Variants in PSMA4 observed in about 807,000 individuals in gnomAD.
PSMA4 encodes proteasome 20S subunit alpha 4.
A neutral mutation model predicts 37.2 loss-of-function variants in PSMA4; 8 were observed. The ratio of observed to expected loss-of-function variants is 0.22; its 90% CI spans 0.13 to 0.39. PSMA4 has a LOEUF of 0.39. Ranked by LOEUF, PSMA4 falls within the 10% of genes least tolerant of loss-of-function variation. PSMA4 has a pLI of 1.00. For missense variants in PSMA4, 169 were observed against 305.1 expected (o/e 0.55, Z 3.32); for synonymous variants, 93 against 98.8 (o/e 0.94, Z 0.35).
chr15:78,546,819 G>T, intron 8 of PSMA4, 121 bp downstream of exon 8: 2 of 1,071,762 alleles, frequency 1.9e-6, no homozygotes, highest in Non-Finnish European at 2.6e-6. Context: ...AGGCTGGAGT[G>T]CAGTGGCGCA....
chr15:78,551,042 G>C lies in PSMA4; in HGVS notation c.*2098G>C, dbSNP rs1009208195. ...GTCTGCAGAATTTACCCATAATCCA[G>C]CCACTTTCCACTGCAGGAACGCTGG... On this transcript the variant is annotated 3_prime_UTR_variant, in exon 9 of 9. Coordinates refer to ENST00000044462, the MANE Select transcript of PSMA4 (RefSeq NM_002789.6). The C allele has an allele frequency of 3.9e-5, 6 of 152,094 alleles. No individual in the cohort carries two copies. Among genetic ancestry groups the C allele is most frequent in the Non-Finnish European group, 8.8e-5 (6 of 68,030 alleles). 9.4% of individuals were successfully genotyped at this position (152,094 alleles called of 1,614,324 possible).
chr15:78,541,537 T>TCCCCTGTTCTTTCTC (rs1211508309), intron 1 of PSMA4: 2 of 266,828 alleles, frequency 7.5e-6, no homozygotes, highest in Admixed American at 5.1e-5. Context: ...CCTTCTTTCT[T>TCCCCTGTTCTTTCTC]CCCCTGTTCT....
chr15:78,543,601 C>A (rs377684707), intron 4 of PSMA4, among the ~76,000 whole-genome samples: 1 of 123,812 alleles, frequency 8.1e-6, no homozygotes. Context: ...CAGATTCTTG[C>A]TCTGTCACCC....
chr15:78,543,994 G>GT lies in PSMA4; in HGVS notation c.210-193dup, dbSNP rs138022073. ...ATTAAATAACTTAAAGGGTGCATTT[G>GT]TTTATCTTTCATGTTGAGTGACATC... On this transcript the variant is annotated intron_variant, in intron 4 of 8. Transcript: ENST00000044462. 2,315 of 513,264 alleles carry GT rather than the reference G, an allele frequency of 4.5e-3. 42 individuals carry two copies. Among genetic ancestry groups the GT allele is most frequent in the African/African-American group, 0.038 (1,945 of 51,474 alleles). The allele number at this position is 513,264 out of a possible 1,614,324, so 31.8% of individuals were successfully genotyped here.
At position 78,544,801 on chromosome 15, in the gene PSMA4, G is replaced by A. The variant is rs532993507; in HGVS notation, c.288-68G>A. 680 of 1,118,186 alleles carry A rather than the reference G, an allele frequency of 6.1e-4. 16 individuals are homozygous for A. In the South Asian group the frequency reaches 8.5e-3, roughly 14 times the overall value. 69.3% of individuals were successfully genotyped at this position (1,118,186 alleles called of 1,614,324 possible). A position where few individuals can be genotyped will look rare whatever the true frequency, so the allele number is the denominator to read the frequency against. On this transcript the variant is annotated intron_variant, in intron 5 of 8. Transcript: ENST00000044462. Reference sequence around the variant, plus strand: ...CCCATGGCATAGATTGCTTTTCAGAGAATATTTTCCTTAGAGTCTGTCTGT... The same window carrying A: ...CCCATGGCATAGATTGCTTTTCAGAAAATATTTTCCTTAGAGTCTGTCTGT...
chr15:78,544,599 T>C, intron 5 of PSMA4: 1 of 454,070 alleles, frequency 2.2e-6, no homozygotes, highest in South Asian at 3.4e-5. Flanking sequence ...GCACCTGGCC[T>C]AGTTTTGATG....
At chr15:78,544,700 A>C (rs908749954) in intron 5 of PSMA4, 169 bp from the exon 6 acceptor site, 1 of 503,568 alleles carries the variant, frequency 2.0e-6, no homozygotes. Context: ...AACTTACAAA[A>C]TATTATTTAC....
chr15:78,545,573 G>C, intron 6 of PSMA4, 61 bp from the exon 7 acceptor site: 1 of 1,564,760 alleles, frequency 6.4e-7, no homozygotes, highest in Non-Finnish European at 8.8e-7. Context: ...CTGAGCTCAA[G>C]TAACTGTAGT....
In PSMA4 at chr15:78,551,361, C is replaced by G. The variant is rs772387545; in HGVS notation, c.*2417C>G. 4 of 152,170 alleles carry G rather than the reference C, an allele frequency of 2.6e-5. No individual in the cohort carries two copies. Among genetic ancestry groups the G allele is most frequent in the Non-Finnish European group, 5.9e-5 (4 of 68,138 alleles). 9.4% of individuals were successfully genotyped at this position (152,170 alleles called of 1,614,324 possible). ...CATCCAAATGAGCCTTCTCATCATT[C>G]CCTGAATGTGCCAAGCTCCCCTCAC... On this transcript the variant is annotated 3_prime_UTR_variant, in exon 9 of 9. Coordinates refer to ENST00000044462, the MANE Select transcript of PSMA4 (RefSeq NM_002789.6).
At chr15:78,545,861 T>A in intron 7 of PSMA4, 97 bp downstream of exon 7, 1 of 1,281,526 alleles carries the variant, frequency 7.8e-7, no homozygotes, top group Non-Finnish European at 1.1e-6. Flanking sequence ...TTAAGATAGC[T>A]GCAACAACCT....
Position 78,544,879 on chromosome 15 carries a change from C to A in PSMA4, c.298C>A (p.Gln100Lys). ...ATCTCTTTATCCTAGGTATTTATTA[C>A]AGTATCAGGAGCCAATACCTTGTGA... ...LRLIAQRYLL[Q>K]YQEPIPCEQL... The change falls in exon 6 of 9, where the codon CAG becomes AAG. Residue 100 changes from glutamine (Q) to lysine (K), a missense_variant. Gln to Lys is a moderately conservative substitution (Grantham distance 53, BLOSUM62 1). Around this residue, in one of 2 missense-constraint regions of PSMA4, gnomAD observed 79 missense variants for 212.4 expected, o/e 0.37. Coordinates refer to ENST00000044462, the MANE Select transcript of PSMA4 (RefSeq NM_002789.6). 6.2e-7 allele frequency: 1 copy of A among 1,603,752 alleles called. No individual in the cohort carries two copies. The highest frequency in any genetic ancestry group is 8.5e-7 in the Non-Finnish European group (1 of 1,171,196).
intron 6 of PSMA4, 28 bp downstream of exon 6, chr15:78,544,985 CG>C: frequency 2.6e-6 from 4 of 1,511,700 alleles, no homozygotes; most frequent in Middle Eastern, 1.8e-4. Context: ...AAATTTTATT[CG>C]AAAAAGTTAA....
chr15:78,548,190 C>T (rs145283022), intron 8 of PSMA4, among the ~76,000 whole-genome samples: 3,974 of 151,888 alleles, frequency 0.026, 164 homozygotes, highest in African/African-American at 0.091. Context: ...GAGTTTGCGC[C>T]ATTGCACTCC....
intron 2 of PSMA4, 77 bp from the exon 3 acceptor site, chr15:78,542,100 G>C (rs575219517): frequency 8.1e-5 from 123 of 1,519,292 alleles, no homozygotes; most frequent in Non-Finnish European, 1.1e-4. Context: ...GATAGGTTTT[G>C]TAAGATCATT....
intron 8 of PSMA4, among the ~76,000 whole-genome samples, chr15:78,547,103 T>C (rs1488989339): frequency 6.6e-6 from 1 of 152,230 alleles, no homozygotes; most frequent in East Asian, 1.9e-4. Flanking sequence ...TCCTAGTTCA[T>C]TGAAACAGCA....
intron 7 of PSMA4, among the ~76,000 whole-genome samples, chr15:78,546,025 A>T (rs2052545151): frequency 6.6e-6 from 1 of 152,198 alleles, no homozygotes. Context: ...TCTAGTTTAC[A>T]GACCCCCTGT....
rs1378859734 is a variant in PSMA4 at position 78,550,185 on chromosome 15, G to T, written c.*1241G>T. The T allele has an allele frequency of 6.6e-6, 1 of 152,138 alleles. No individual in the cohort carries two copies. Among genetic ancestry groups the T allele is most frequent in the Non-Finnish European group, 1.5e-5 (1 of 68,036 alleles). 9.4% of individuals were successfully genotyped at this position (152,138 alleles called of 1,614,324 possible). On this transcript the variant is annotated 3_prime_UTR_variant, in exon 9 of 9. Transcript: ENST00000044462. Reference sequence around the variant, plus strand: ...CACCTAGAGAAAGTACTGGGTTAGGGTCCTACAAGCCACTGGTCACATTTT... The same window carrying T: ...CACCTAGAGAAAGTACTGGGTTAGGTTCCTACAAGCCACTGGTCACATTTT...
rs1368839262 is a variant in PSMA4 at position 78,541,923 on chromosome 15, A to C, written c.-5A>C. 3.1e-6 allele frequency: 5 copies of C among 1,596,624 alleles called. No individual in the cohort carries two copies. In the African/African-American group the frequency reaches 5.4e-5, roughly 17 times the overall value. On this transcript the variant is annotated 5_prime_UTR_variant, in exon 2 of 9. Coordinates refer to ENST00000044462, the MANE Select transcript of PSMA4 (RefSeq NM_002789.6). ...TTTACAGGAACTATATAAAGTTCAG[A>C]AAACATGGTGAGTTAATACACATGC...
At chr15:78,540,615 A>C (rs2052427077) in intron 1 of PSMA4, 76 bp downstream of exon 1, 1 of 152,336 alleles carries the variant, frequency 6.6e-6, no homozygotes. Context: ...ACGTCAAGAC[A>C]GTCGGTCCCG....
Sources: allele counts gnomAD v4.1 joint callset (sites outside exome capture counted in the v4.1 genomes callset), GRCh38; gene constraint gnomAD v4.1.1; regional missense constraint gnomAD v4.1.1; transcripts MANE v1.5; gene names NCBI Gene and HGNC (gene_info 2026-07-23, HGNC 2026-07-21).